Variants in SUCLA2 observed in about 807,000 individuals in gnomAD.
SUCLA2 encodes succinate--CoA ligase [ADP-forming] subunit beta, mitochondrial.
SUCLA2 carries 30 observed loss-of-function variants against 54.8 expected under a neutral mutation model. That is an observed-to-expected ratio of 0.55 (90% CI 0.41 to 0.74). The LOEUF (loss-of-function observed/expected upper bound fraction) is 0.74. SUCLA2 is among the 30% of genes least tolerant of loss of function. The pLI is 0.00. For synonymous variants in SUCLA2, 172 were observed against 188.9 expected (o/e 0.91, Z 0.74); for missense variants, 476 against 562.9 (o/e 0.85, Z 1.56).
chr13:47,988,492 T>C (rs1200234556), intron 4 of SUCLA2, 49 bp downstream of exon 4: 2 of 1,596,264 alleles, frequency 1.3e-6, no homozygotes, highest in African/African-American at 1.3e-5. Flanking sequence ...ACTTTTGAAA[T>C]TGAATGTCAT....
chr13:47,979,539 T>C (rs1265185082), intron 4 of SUCLA2, among the ~76,000 whole-genome samples: 2 of 152,068 alleles, frequency 1.3e-5, no homozygotes, highest in African/African-American at 4.8e-5. Context: ...CTAATGTAGA[T>C]GACAGGTTGA....
Position 47,943,328 on chromosome 13 carries a change from T to C in SUCLA2, c.*43A>G, listed in dbSNP as rs773503891. The stretch of plus-strand genomic sequence containing the variant: ...CACAGAACACAGTATTCTTAATGAT[T>C]ATAGCACATTTAACACCTTCAGCCA... On this transcript the variant is annotated 3_prime_UTR_variant, in exon 11 of 11. Coordinates refer to ENST00000646932, the MANE Select transcript of SUCLA2 (RefSeq NM_003850.3). The C allele has an allele frequency of 5.8e-6, 9 of 1,555,378 alleles. No homozygotes were observed. The Admixed American group carries it at 1.0e-4, about 17-fold the overall frequency.
intron 4 of SUCLA2, among the ~76,000 whole-genome samples, chr13:47,983,690 C>A (rs1950076793): frequency 6.6e-6 from 1 of 151,978 alleles, no homozygotes. Context: ...AGGGTTTCAC[C>A]GTGTTAGCCA....
chr13:47,951,781 T>C (rs1197971779), intron 8 of SUCLA2, among the ~76,000 whole-genome samples: 1 of 151,902 alleles, frequency 6.6e-6, no homozygotes, highest in Admixed American at 6.6e-5. Flanking sequence ...CAGATAATTA[T>C]CTCCATCTAT....
chr13:47,992,791 T>C (rs1395876474), intron 2 of SUCLA2, among the ~76,000 whole-genome samples: 1 of 152,250 alleles, frequency 6.6e-6, no homozygotes, highest in Non-Finnish European at 1.5e-5. Flanking sequence ...AGTCCTATTA[T>C]ATGCCATTAG....
At chr13:47,955,196 C>T (rs1380183907) in intron 6 of SUCLA2, among the ~76,000 whole-genome samples, 1 of 151,974 alleles carries the variant, frequency 6.6e-6, no homozygotes, top group African/African-American at 2.4e-5. Flanking sequence ...TCGGCCTGTG[C>T]TTGTTTTTAT....
At chr13:47,977,486 G>C (rs1399541546) in intron 4 of SUCLA2, among the ~76,000 whole-genome samples, 1 of 151,458 alleles carries the variant, frequency 6.6e-6, no homozygotes, top group African/African-American at 2.4e-5. Flanking sequence ...AAAACTACAA[G>C]CTAATAGCTC....
chr13:47,959,222 C>T (rs1014538479), intron 6 of SUCLA2, among the ~76,000 whole-genome samples: 1 of 151,574 alleles, frequency 6.6e-6, no homozygotes, highest in Non-Finnish European at 1.5e-5. Context: ...AAATTATGGG[C>T]TTGAAAAAGT....
intron 2 of SUCLA2, among the ~76,000 whole-genome samples, chr13:47,994,072 AG>A (rs1201046319): frequency 1.3e-5 from 2 of 151,508 alleles, no homozygotes; most frequent in African/African-American, 4.8e-5. Context: ...AAAAAAAAAA[AG>A]AGTTTTTATG....
intron 4 of SUCLA2, among the ~76,000 whole-genome samples, chr13:47,979,995 T>A (rs538136147): frequency 3.9e-5 from 6 of 152,230 alleles, no homozygotes; most frequent in African/African-American, 1.2e-4. Flanking sequence ...GTGAACAATG[T>A]GAAAAGGAAA....
intron 6 of SUCLA2, 50 bp from the exon 7 acceptor site, chr13:47,954,607 T>C (rs376018134): frequency 9.5e-6 from 15 of 1,586,314 alleles, no homozygotes; most frequent in African/African-American, 1.3e-5. Flanking sequence ...ACAGATACAA[T>C]AAAGTATCAA....
intron 1 of SUCLA2, chr13:48,000,938 A>AG: frequency 7.2e-7 from 1 of 1,391,536 alleles, no homozygotes; most frequent in Non-Finnish European, 9.3e-7. Flanking sequence ...AAACTGCAGG[A>AG]GCAGCCACGG....
chr13:47,986,164 G>A (rs138085433), intron 4 of SUCLA2, among the ~76,000 whole-genome samples: 15,833 of 151,470 alleles, frequency 0.1, 915 homozygotes, highest in South Asian at 0.18. Flanking sequence ...CCAAGTAGCT[G>A]GGATTACAGG....
chr13:47,970,044 G>C (rs1949949871), intron 5 of SUCLA2, among the ~76,000 whole-genome samples: 2 of 151,008 alleles, frequency 1.3e-5, no homozygotes, highest in Non-Finnish European at 2.9e-5. Context: ...GGAGGTTGCA[G>C]TGAGCCGAGA....
At chr13:47,999,744 A>G (rs796832753) in intron 1 of SUCLA2, among the ~76,000 whole-genome samples, 4 of 152,196 alleles carry the variant, frequency 2.6e-5, no homozygotes, top group African/African-American at 9.6e-5. Context: ...ACAAATTGCT[A>G]AATTAAATGT....
rs563809149 is a variant in SUCLA2, at chr13:47,996,907, G to A, written c.207C>T (p.Val69=). 1 of 1,613,980 alleles carries A rather than the reference G, an allele frequency of 6.2e-7. No homozygotes were observed. Among genetic ancestry groups the A allele is most frequent in the Non-Finnish European group, 8.5e-7 (1 of 1,179,940 alleles). The stretch of plus-strand genomic sequence containing the variant: ...TTGCCACATATCCTTTGGGAACGGA[G>A]ACACCAGCTTCTTGCAATAATTCCA... ...MSMELLQEAG[V]SVPKGYVAKS... is the part of the protein sequence containing the mutation. Residue 69 remains valine, a synonymous_variant, in exon 2 of 11, where the codon GTC becomes GTT. Transcript: ENST00000646932.
At chr13:47,989,273 C>G in intron 2 of SUCLA2, among the ~76,000 whole-genome samples, 1 of 150,324 alleles carries the variant, frequency 6.7e-6, no homozygotes, top group Non-Finnish European at 1.5e-5. Flanking sequence ...TGCAGTGGCG[C>G]GATCTCGGCT....
intron 2 of SUCLA2, among the ~76,000 whole-genome samples, chr13:47,995,719 C>T (rs1306792459): frequency 3.3e-5 from 5 of 152,074 alleles, no homozygotes; most frequent in South Asian, 4.1e-4. Flanking sequence ...TGCTAATCTA[C>T]GTAAAATTGG....
chr13:47,994,005 C>T (rs1037564006), intron 2 of SUCLA2, among the ~76,000 whole-genome samples: 14 of 149,366 alleles, frequency 9.4e-5, no homozygotes, highest in Non-Finnish European at 1.8e-4. Context: ...TTGCGGTGAG[C>T]TGAGATGGCG....
Sources: gnomAD v4.1 joint callset for allele counts (sites outside exome capture counted in the v4.1 genomes callset) on GRCh38, gnomAD v4.1.1 for gene constraint, MANE v1.5 for transcripts, NCBI Gene and HGNC (gene_info 2026-07-23, HGNC 2026-07-21) for gene names.